Variants in STMN2 observed in about 807,000 individuals in gnomAD.
STMN2 encodes the protein stathmin 2, also known as stathmin-2.
Under a neutral mutation model 24.1 loss-of-function variants are expected in STMN2, and 2 were observed. The ratio of observed to expected loss-of-function variants is 0.08; its 90% CI spans 0.03 to 0.26. The LOEUF (loss-of-function observed/expected upper bound fraction) is 0.26, where lower values mean the gene tolerates loss of function less well. Ranked by LOEUF, STMN2 falls within the 10% of genes least tolerant of loss-of-function variation. STMN2 has a pLI of 1.00. For synonymous variants in STMN2, 83 were observed against 77.5 expected, an observed-to-expected ratio of 1.07 and a Z score of -0.37; for missense variants, 114 against 213.6, an observed-to-expected ratio of 0.53 and a Z score of 2.91.
At chr8:79,630,868 T>C (rs1809783114) in intron 1 of STMN2, among the ~76,000 whole-genome samples, 1 of 151,386 alleles carries the variant, frequency 6.6e-6, no homozygotes, top group African/African-American at 2.4e-5. Flanking sequence ...TTTTAGGTTT[T>C]ACTACCTGCT....
chr8:79,631,720 A>G (rs962459583), intron 1 of STMN2, among the ~76,000 whole-genome samples: 2 of 152,204 alleles, frequency 1.3e-5, no homozygotes, highest in African/African-American at 4.8e-5. Flanking sequence ...GACCTCCCAA[A>G]AGGATTTTTA....
chr8:79,658,248 C>T (rs1343091744), intron 4 of STMN2, among the ~76,000 whole-genome samples: 3 of 152,062 alleles, frequency 2.0e-5, no homozygotes, highest in African/African-American at 7.2e-5. Context: ...TGCACTCCAA[C>T]CTGGGAAATA....
At chr8:79,632,026 C>T (rs756030472) in intron 1 of STMN2, among the ~76,000 whole-genome samples, 2 of 152,156 alleles carry the variant, frequency 1.3e-5, no homozygotes, top group Admixed American at 6.5e-5. Context: ...GGGTGCAAGA[C>T]TCAAGTTTTT....
chr8:79,649,362 C>A (rs1306954131), intron 3 of STMN2, among the ~76,000 whole-genome samples: 1 of 152,030 alleles, frequency 6.6e-6, no homozygotes, highest in Admixed American at 6.6e-5. Context: ...ACCCATTACA[C>A]ACTTTAGCAG....
chr8:79,654,236 C>G (rs994488540), intron 3 of STMN2, among the ~76,000 whole-genome samples: 4 of 151,866 alleles, frequency 2.6e-5, no homozygotes, highest in Non-Finnish European at 5.9e-5. Context: ...AATCACTGAG[C>G]AACCACAGGG....
intron 1 of STMN2, among the ~76,000 whole-genome samples, chr8:79,613,305 TG>T (rs1277416788): frequency 1.3e-5 from 2 of 152,082 alleles, no homozygotes; most frequent in Non-Finnish European, 2.9e-5. Context: ...GCTGGCCGGG[TG>T]GGGGCGCACG....
intron 1 of STMN2, among the ~76,000 whole-genome samples, chr8:79,626,433 A>G (rs1809656884): frequency 6.6e-6 from 1 of 152,194 alleles, no homozygotes. Context: ...CAGTAGTTCC[A>G]TTTTCAAACT....
intron 4 of STMN2, 27 bp from the exon 5 acceptor site, chr8:79,664,788 A>G (rs1362037350): frequency 6.2e-7 from 1 of 1,610,266 alleles, no homozygotes; most frequent in Admixed American, 1.7e-5. Flanking sequence ...GGCCTGTGAC[A>G]TTTCTTCTTC....
chr8:79,611,705 CGG>C, intron 1 of STMN2: 1 of 948,072 alleles, frequency 1.1e-6, no homozygotes, highest in Non-Finnish European at 1.3e-6. Flanking sequence ...TGGGTGGAGA[CGG>C]GGGGAGGGGA....
intron 1 of STMN2, among the ~76,000 whole-genome samples, chr8:79,614,108 G>A (rs376305688): frequency 6.6e-6 from 1 of 152,006 alleles, no homozygotes; most frequent in East Asian, 1.9e-4. Context: ...TCGTGAAATG[G>A]TAGCCGCCAT....
At chr8:79,637,635 C>G (rs1436853896) in intron 2 of STMN2, among the ~76,000 whole-genome samples, 1 of 152,116 alleles carries the variant, frequency 6.6e-6, no homozygotes, top group Non-Finnish European at 1.5e-5. Flanking sequence ...GTCAAATATG[C>G]AAAACCAAGC....
chr8:79,638,650 C>T (rs1442155131), intron 2 of STMN2, among the ~76,000 whole-genome samples: 1 of 152,146 alleles, frequency 6.6e-6, no homozygotes, highest in Non-Finnish European at 1.5e-5. Flanking sequence ...TTGCATTCAG[C>T]ATCCTTTATC....
intron 1 of STMN2, among the ~76,000 whole-genome samples, chr8:79,632,895 G>A (rs895805252): frequency 9.2e-5 from 14 of 152,102 alleles, no homozygotes; most frequent in African/African-American, 1.4e-4. Context: ...CACACAAGCC[G>A]GAAAAAATCT....
At chr8:79,632,621 T>C (rs1192722900) in intron 1 of STMN2, among the ~76,000 whole-genome samples, 1 of 152,196 alleles carries the variant, frequency 6.6e-6, no homozygotes, top group Non-Finnish European at 1.5e-5. Context: ...CAAGTATTCC[T>C]TTCAGGGATT....
At chr8:79,648,960 A>T (rs1368933178) in intron 3 of STMN2, among the ~76,000 whole-genome samples, 4 of 152,202 alleles carry the variant, frequency 2.6e-5, no homozygotes, top group Non-Finnish European at 4.4e-5. Flanking sequence ...ACCCTACTTG[A>T]ACCAGTTCAG....
chr8:79,641,838 C>T (rs1810107540), intron 3 of STMN2, among the ~76,000 whole-genome samples: 1 of 152,098 alleles, frequency 6.6e-6, no homozygotes, highest in Admixed American at 6.6e-5. Flanking sequence ...TCTAGTGCCC[C>T]TTCCCGTATA....
intron 3 of STMN2, 73 bp downstream of exon 3, chr8:79,641,623 T>TTCACGC: frequency 1.9e-6 from 1 of 521,016 alleles, no homozygotes. Flanking sequence ...CGGGCACACA[T>TTCACGC]GCACGCACAC....
At chr8:79,653,166 C>A (rs937895190) in intron 3 of STMN2, among the ~76,000 whole-genome samples, 2 of 152,046 alleles carry the variant, frequency 1.3e-5, no homozygotes, top group Non-Finnish European at 2.9e-5. Flanking sequence ...TCACTTAAGC[C>A]AGGAGTTCAA....
At chr8:79,641,597 CT>C in intron 3 of STMN2, 47 bp downstream of exon 3, 1 of 1,543,190 alleles carries the variant, frequency 6.5e-7, no homozygotes. Context: ...TCCCCTGCTC[CT>C]CCCTCTCACA....
Sources: allele counts gnomAD v4.1 joint callset (sites outside exome capture counted in the v4.1 genomes callset), GRCh38; gene constraint gnomAD v4.1.1; transcripts MANE v1.5; gene names NCBI Gene and HGNC (gene_info 2026-07-23, HGNC 2026-07-21).